The following ACSS3 variants were observed in gnomAD, a reference collection of about 807,000 sequenced individuals.
ACSS3 encodes acyl-CoA synthetase short-chain family member 3, mitochondrial.
In ACSS3, 64 loss-of-function variants were observed where a neutral mutation model predicts 84.2. That is an observed-to-expected ratio of 0.76 (90% CI 0.62 to 0.94). The LOEUF (loss-of-function observed/expected upper bound fraction) is 0.94. Ranked by LOEUF, ACSS3 falls within the 40% of genes least tolerant of loss-of-function variation. ACSS3 has a pLI of 0.00. For synonymous variants in ACSS3, 317 were observed against 310.1 expected, an observed-to-expected ratio of 1.02 and a Z score of -0.23; for missense variants, 815 against 867.6, an observed-to-expected ratio of 0.94 and a Z score of 0.76.
At chr12:81,160,710 A>G (rs1452709377) in intron 7 of ACSS3, among the ~76,000 whole-genome samples, 1 of 152,078 alleles carries the variant, frequency 6.6e-6, no homozygotes, top group African/African-American at 2.4e-5. Flanking sequence ...ATTTATTCCA[A>G]TTTCTTTTCA....
intron 11 of ACSS3, among the ~76,000 whole-genome samples, chr12:81,220,540 C>T (rs1265512607): frequency 6.6e-6 from 1 of 151,886 alleles, no homozygotes; most frequent in African/African-American, 2.4e-5. Context: ...GAACCCATCA[C>T]CCAAATAGTG....
At position 81,260,614 on chromosome 12, in the gene ACSS3, T is replaced by A. The variant is rs191424131; in HGVS notation, c.*5692T>A. 7.9e-5 allele frequency: 12 copies of A among 152,278 alleles called. 1 individual carries two copies. The South Asian group carries it at 1.0e-3, about 13-fold the overall frequency. 9.4% of individuals were successfully genotyped at this position (152,278 alleles called of 1,614,324 possible). A position where few individuals can be genotyped will look rare whatever the true frequency, so the allele number is the denominator to read the frequency against. ...AAGGGTTGTACATTCTGAAATTAAA[T>A]CTCTTATCGGGATGCTTTTCATTTT... is the stretch of plus-strand genomic sequence containing the variant. On this transcript the variant is annotated 3_prime_UTR_variant, in exon 16 of 16. Coordinates refer to ENST00000548058, the MANE Select transcript of ACSS3 (RefSeq NM_024560.4).
intron 13 of ACSS3, among the ~76,000 whole-genome samples, chr12:81,251,877 G>A (rs960580297): frequency 7.2e-5 from 11 of 151,798 alleles, no homozygotes; most frequent in South Asian, 4.2e-4. Flanking sequence ...ATAAAAACCC[G>A]ATATTAAATC....
chr12:81,206,247 A>G (rs1016768122), intron 9 of ACSS3, among the ~76,000 whole-genome samples: 4 of 152,088 alleles, frequency 2.6e-5, no homozygotes, highest in African/African-American at 4.8e-5. Context: ...TTTAAAGTAC[A>G]TGTCTGTGTT....
At chr12:81,210,405 C>T (rs572343254) in intron 9 of ACSS3, among the ~76,000 whole-genome samples, 5 of 152,128 alleles carry the variant, frequency 3.3e-5, no homozygotes, top group Admixed American at 6.6e-5. Flanking sequence ...AAGATTTAAA[C>T]GTGTTCAATT....
chr12:81,242,650 T>C (rs10862273), intron 13 of ACSS3, among the ~76,000 whole-genome samples: 69,768 of 122,842 alleles, frequency 0.57, 21,364 homozygotes, highest in Non-Finnish European at 0.71. Context: ...CATCAAAAAG[T>C]TTATCCACCA....
intron 13 of ACSS3, among the ~76,000 whole-genome samples, chr12:81,246,842 T>G (rs1221115974): frequency 6.6e-6 from 1 of 152,200 alleles, no homozygotes. Flanking sequence ...GTACTAGGCT[T>G]AGTACCTGGG....
chr12:81,153,648 T>C (rs1406371278), intron 7 of ACSS3, among the ~76,000 whole-genome samples: 1 of 152,202 alleles, frequency 6.6e-6, no homozygotes, highest in Non-Finnish European at 1.5e-5. Context: ...ACATAAGTGT[T>C]CTGTCAATAC....
intron 9 of ACSS3, among the ~76,000 whole-genome samples, chr12:81,216,199 A>G (rs1306324728): frequency 6.7e-6 from 1 of 149,982 alleles, no homozygotes; most frequent in African/African-American, 2.5e-5. Flanking sequence ...TATTTTTATT[A>G]TTATTATACT....
At chr12:81,198,737 T>A (rs1157085428) in intron 8 of ACSS3, among the ~76,000 whole-genome samples, 2 of 152,190 alleles carry the variant, frequency 1.3e-5, no homozygotes, top group Non-Finnish European at 1.5e-5. Flanking sequence ...CTTTTAGTAC[T>A]CTTGTATTCC....
At chr12:81,222,851 T>C (rs2033155010) in intron 11 of ACSS3, among the ~76,000 whole-genome samples, 1 of 152,042 alleles carries the variant, frequency 6.6e-6, no homozygotes, top group South Asian at 2.1e-4. Context: ...CTTACATTCA[T>C]AGAATTTATC....
intron 1 of ACSS3, among the ~76,000 whole-genome samples, chr12:81,087,081 A>C (rs1028368892): frequency 2.0e-5 from 3 of 152,132 alleles, no homozygotes; most frequent in Non-Finnish European, 4.4e-5. Context: ...GTGAATTTTG[A>C]GTTTGAAGGA....
intron 13 of ACSS3, among the ~76,000 whole-genome samples, chr12:81,247,472 G>A (rs117781941): frequency 2.0e-5 from 3 of 152,114 alleles, no homozygotes; most frequent in Admixed American, 6.6e-5. Context: ...TGGAAAAAGA[G>A]AAAAACATGC....
chr12:81,234,260 C>A (rs563616739), intron 13 of ACSS3, among the ~76,000 whole-genome samples: 2 of 151,024 alleles, frequency 1.3e-5, no homozygotes, highest in Non-Finnish European at 3.0e-5. Context: ...AGAATTTCAT[C>A]GTGCAGCTGT....
intron 13 of ACSS3, among the ~76,000 whole-genome samples, chr12:81,238,216 T>C (rs1464609274): frequency 6.6e-6 from 1 of 151,810 alleles, no homozygotes; most frequent in Non-Finnish European, 1.5e-5. Context: ...TTCCACCTGG[T>C]CATGGTACAT....
intron 13 of ACSS3, among the ~76,000 whole-genome samples, chr12:81,245,931 G>A (rs1251400386): frequency 6.6e-6 from 1 of 152,058 alleles, no homozygotes; most frequent in Admixed American, 6.6e-5. Context: ...CTGTTCTTAT[G>A]GGTAATGAGT....
At chr12:81,147,129 A>C (rs1649527612) in intron 5 of ACSS3, among the ~76,000 whole-genome samples, 1 of 152,188 alleles carries the variant, frequency 6.6e-6, no homozygotes, top group Non-Finnish European at 1.5e-5. Context: ...GTTCAGATCG[A>C]CAAAAAAATT....
intron 7 of ACSS3, among the ~76,000 whole-genome samples, chr12:81,170,030 CAA>C (rs934187955): frequency 4.1e-4 from 63 of 152,196 alleles, no homozygotes; most frequent in African/African-American, 1.5e-3. Context: ...GCAGTTGACT[CAA>C]AAAGTTTTAT....
At chr12:81,214,468 G>T (rs1444674151) in intron 9 of ACSS3, among the ~76,000 whole-genome samples, 1 of 152,144 alleles carries the variant, frequency 6.6e-6, no homozygotes, top group Non-Finnish European at 1.5e-5. Flanking sequence ...GCACCCTAAA[G>T]TTTAAGACTC....
Sources: allele counts gnomAD v4.1 joint callset (sites outside exome capture counted in the v4.1 genomes callset), GRCh38; gene constraint gnomAD v4.1.1; transcripts MANE v1.5; gene names NCBI Gene and HGNC (gene_info 2026-07-23, HGNC 2026-07-21).